Variants in MAST3 observed in about 807,000 individuals in gnomAD.
MAST3 encodes the protein microtubule associated serine/threonine kinase 3.
A neutral mutation model predicts 127.0 loss-of-function variants in MAST3; 43 were observed. That is an observed-to-expected ratio of 0.34 (90% CI 0.27 to 0.44). The LOEUF (loss-of-function observed/expected upper bound fraction) is 0.44. MAST3 is among the 20% of genes least tolerant of loss of function. The probability of loss-of-function intolerance (pLI) is 1.00; values close to 1 mark genes in which losing one functional copy is unlikely to be tolerated. For missense variants in MAST3, 1,390 were observed against 1,919.1 expected (o/e 0.72, Z 5.15); for synonymous variants, 785 against 809.2 (o/e 0.97, Z 0.51).
intron 27 of MAST3, among the ~76,000 whole-genome samples, chr19:18,148,889 C>T (rs1455791559): frequency 4.2e-5 from 5 of 117,692 alleles, no homozygotes; most frequent in African/African-American, 1.7e-4. Flanking sequence ...GGTGACAGAG[C>T]GAGACTCTAT....
chr19:18,100,619 G>C (rs1414719551), intron 1 of MAST3, among the ~76,000 whole-genome samples: 2 of 152,198 alleles, frequency 1.3e-5, no homozygotes. Flanking sequence ...CAGCCCGAGT[G>C]GTCAGTGCTA....
Position 18,097,822 on chromosome 19 carries a change from C to T in MAST3, c.30C>T (p.Arg10=). 1.6e-6 allele frequency: 2 copies of T among 1,226,998 alleles called. No individual in the cohort carries two copies. Among genetic ancestry groups the T allele is most frequent in the African/African-American group, 1.6e-5 (1 of 63,578 alleles). 76.0% of individuals were successfully genotyped at this position (1,226,998 alleles called of 1,614,324 possible). Residue 10 remains arginine, a synonymous_variant, in exon 1 of 28, where the codon CGC becomes CGT. Coordinates refer to ENST00000687212, the MANE Select transcript of MAST3 (RefSeq NM_001393504.1). ...ACGAGTCGAGCCTCCTGCGGCGCCG[C>T]GGGCTCCAGGTGAGGCCCCTGCGCG... MDESSLLRR[R]GLQKELSLPR...
At position 18,145,821 on chromosome 19, in the gene MAST3, G is replaced by C; in HGVS notation, c.3118G>C (p.Val1040Leu). The C allele has an allele frequency of 6.3e-7, 1 of 1,598,448 alleles. No individual in the cohort carries two copies. The stretch of plus-strand genomic sequence containing the variant: ...CATCACCCACATCAACGGGGAGTCA[G>C]TGCTGGGGCTGGTGCACATGGACGT... ...DLITHINGES[V>L]LGLVHMDVVE... Residue 1040 changes from valine (V) to leucine (L), a missense_variant, in exon 25 of 28, where the codon GTG (valine) becomes CTG (leucine). Transcript: ENST00000687212. The surrounding 1 kb of genome is among the most constrained non-coding windows in gnomAD (Gnocchi z 5.9).
intron 11 of MAST3, among the ~76,000 whole-genome samples, chr19:18,126,228 A>G (rs936222869): frequency 9.0e-6 from 1 of 110,544 alleles, no homozygotes; most frequent in Non-Finnish European, 2.1e-5. Flanking sequence ...TCTCAAAAAG[A>G]GAAAAAAAAA....
intron 3 of MAST3, among the ~76,000 whole-genome samples, chr19:18,111,678 G>A (rs966697780): frequency 6.6e-6 from 1 of 151,924 alleles, no homozygotes; most frequent in Admixed American, 6.6e-5. Context: ...GGGACTATAG[G>A]CACCTACCAC....
rs1432809695 is a variant in MAST3, at chr19:18,150,579, AAAC to A, written c.*856_*858del. 2 of 152,198 alleles carry A rather than the reference AAAC, an allele frequency of 1.3e-5. No homozygotes were observed. The highest frequency in any genetic ancestry group is 2.9e-5 in the Non-Finnish European group (2 of 68,020). The allele number at this position is 152,198 out of a possible 1,614,324, so 9.4% of individuals were successfully genotyped here. On this transcript the variant is annotated 3_prime_UTR_variant, in exon 28 of 28. Coordinates refer to ENST00000687212, the MANE Select transcript of MAST3 (RefSeq NM_001393504.1). ...TTCGGCTACAACCTGGAGTGTCCGT[AAAC>A]AATTCCTCTCACCCACAAAACAATG...
chr19:18,130,889 C>G (rs2041203721), intron 14 of MAST3, among the ~76,000 whole-genome samples, 187 bp downstream of exon 14: 1 of 152,122 alleles, frequency 6.6e-6, no homozygotes, highest in African/African-American at 2.4e-5. Flanking sequence ...GCTGGAGGAG[C>G]CCAGACAGGA....
At position 18,145,738 on chromosome 19, in the gene MAST3, C is replaced by T. The variant is rs73925428; in HGVS notation, c.3040-5C>T. The T allele has an allele frequency of 3.2e-3, 5,139 of 1,586,182 alleles. 95 individuals carry two copies. In the African/African-American group the frequency reaches 0.051, roughly 16 times the overall value. On this transcript the variant is annotated splice_polypyrimidine_tract_variant and splice_region_variant and intron_variant, in intron 24 of 27. Transcript: ENST00000687212. This position sits in a 1 kb window ranked among gnomAD's most constrained non-coding sequence, Gnocchi z 5.9. ...ATTGACCCCACCGTTCTCGTCTGCC[C>T]CCAGAGTGTGGAGGACGGAAGCCCC...
chr19:18,133,381 T>G (rs930492028), intron 15 of MAST3, among the ~76,000 whole-genome samples: 15 of 152,024 alleles, frequency 9.9e-5, no homozygotes, highest in African/African-American at 3.6e-4. Flanking sequence ...TTATCTTTAT[T>G]TATTTATTTA....
chr19:18,120,257 AAGG>A (rs1465954343), intron 3 of MAST3, among the ~76,000 whole-genome samples: 1 of 151,816 alleles, frequency 6.6e-6, no homozygotes, highest in East Asian at 1.9e-4. Flanking sequence ...TCTTGAGAAG[AAGG>A]AGGGTTGTCA....
At position 18,144,931 on chromosome 19, in the gene MAST3, TGTG is replaced by T. The variant is rs1006104027; in HGVS notation, c.2813-67_2813-65del. On this transcript the variant is annotated intron_variant, in intron 23 of 27. Coordinates refer to ENST00000687212, the MANE Select transcript of MAST3 (RefSeq NM_001393504.1). This position sits in a 1 kb window ranked among gnomAD's most constrained non-coding sequence, Gnocchi z 4.0. ...ACAGCAAAGTGGCCAGGGTGGTCGT[TGTG>T]GTGGGAAAGAGGGGGCCCCAGGGGA... 5 of 923,754 alleles carry T rather than the reference TGTG, an allele frequency of 5.4e-6. No individual in the cohort carries two copies. Among genetic ancestry groups the T allele is most frequent in the Middle Eastern group, 2.8e-4 (1 of 3,580 alleles). The allele number at this position is 923,754 out of a possible 1,614,324, so 57.2% of individuals were successfully genotyped here.
Position 18,146,998 on chromosome 19 carries a change from C to T in MAST3, c.3280C>T (p.Arg1094Trp), listed in dbSNP as rs766465489. 24 of 1,571,286 alleles carry T rather than the reference C, an allele frequency of 1.5e-5. No individual in the cohort carries two copies. Among genetic ancestry groups the T allele is most frequent in the Middle Eastern group, 1.9e-4 (1 of 5,232 alleles). ...GGCACGCAGGAGCAAGAGGAGCCGT[C>T]GGCGGGAGACCCAGGATCGGTGCGC... is the stretch of plus-strand genomic sequence containing the variant. ...RMARRSKRSRRRETQDRCAAV... is the reference protein window; with the variant it reads ...RMARRSKRSRWRETQDRCAAV... The change falls in exon 26 of 28, where the codon CGG becomes TGG. Residue 1094 changes from arginine (R) to tryptophan (W), a missense_variant. By Grantham distance (101) the Arg-to-Trp change is moderately radical (BLOSUM62 -3). Around this residue, in one of 5 missense-constraint regions of MAST3, gnomAD observed 816 missense variants for 934.1 expected, o/e 0.87. Transcript: ENST00000687212.
Position 18,128,960 on chromosome 19 carries a change from C to A in MAST3, c.1223+9C>A. On this transcript the variant is annotated intron_variant, in intron 13 of 27. Coordinates refer to ENST00000687212, the MANE Select transcript of MAST3 (RefSeq NM_001393504.1). ...AGCAACGGAGCCTATGGGTGAGTCC[C>A]TGAGTCCTGCATAGACCCATTTCAC... The A allele has an allele frequency of 1.9e-6, 3 of 1,613,016 alleles. No individual in the cohort carries two copies. Among genetic ancestry groups the A allele is most frequent in the Non-Finnish European group, 2.5e-6 (3 of 1,179,132 alleles).
At chr19:18,114,876 TGTGGTGCTGGGAGCGGCACAGATATATG>T (rs1347774868) in intron 3 of MAST3, among the ~76,000 whole-genome samples, 1 of 151,824 alleles carries the variant, frequency 6.6e-6, no homozygotes, top group Non-Finnish European at 1.5e-5. Flanking sequence ...AGCCATAGAG[TGTGGTGCTGGGAGCGGCACAGATATATG>T]GGCAGGTGGG....
Position 18,110,235 on chromosome 19 carries a change from G to T in MAST3, c.72-417G>T. The T allele has an allele frequency of 1.0e-6, 1 of 985,514 alleles. No homozygotes were observed. The highest frequency in any genetic ancestry group is 1.2e-6 in the Non-Finnish European group (1 of 830,000). The allele number at this position is 985,514 out of a possible 1,614,324, so 61.0% of individuals were successfully genotyped here. The stretch of plus-strand genomic sequence containing the variant: ...CCTGCGTCCGTGTGTCCGTCCGTCG[G>T]TCCGCTCGCGCCACGATCAGGGCTT... On this transcript the variant is annotated intron_variant, in intron 2 of 27. Transcript: ENST00000687212. This position sits in a 1 kb window ranked among gnomAD's most constrained non-coding sequence, Gnocchi z 4.3.
In MAST3 at chr19:18,149,879, G is replaced by A. The variant is rs1232945022; in HGVS notation, c.*153G>A. 20 of 1,072,588 alleles carry A rather than the reference G, an allele frequency of 1.9e-5. No homozygotes were observed. Among genetic ancestry groups the A allele is most frequent in the Non-Finnish European group, 2.5e-5 (20 of 798,814 alleles). 66.4% of individuals were successfully genotyped at this position (1,072,588 alleles called of 1,614,324 possible). ...GTCCTTGCTGGAAGGTGGAGACATCGCTTGTGTTCTGGTGTCAATCGGGGC... is the reference window on the plus strand; with the variant it reads ...GTCCTTGCTGGAAGGTGGAGACATCACTTGTGTTCTGGTGTCAATCGGGGC... On this transcript the variant is annotated 3_prime_UTR_variant, in exon 28 of 28. Transcript: ENST00000687212. The surrounding 1 kb of genome is among the most constrained non-coding windows in gnomAD (Gnocchi z 5.9).
chr19:18,149,783 T>C lies in MAST3; in HGVS notation c.*57T>C. 1 of 1,599,194 alleles carries C rather than the reference T, an allele frequency of 6.3e-7. No homozygotes were observed. On this transcript the variant is annotated 3_prime_UTR_variant, in exon 28 of 28. Coordinates refer to ENST00000687212, the MANE Select transcript of MAST3 (RefSeq NM_001393504.1). The surrounding 1 kb of genome is among the most constrained non-coding windows in gnomAD (Gnocchi z 5.9). ...TTACGCGTTTTCTTGTGCAATGTTT[T>C]TTCCGTAAAGTCATGCCTGGATGGG...
chr19:18,144,589 C>T lies in MAST3; in HGVS notation c.2708C>T (p.Pro903Leu). The T allele has an allele frequency of 1.2e-6, 2 of 1,611,294 alleles. No individual in the cohort carries two copies. Among genetic ancestry groups the T allele is most frequent in the African/African-American group, 2.7e-5 (2 of 75,046 alleles). Residue 903 changes from proline to leucine, a missense_variant, in exon 23 of 28, where the codon CCT becomes CTT. Pro to Leu is a moderately conservative substitution (Grantham distance 98, BLOSUM62 -3). Transcript: ENST00000687212. This position sits in a 1 kb window ranked among gnomAD's most constrained non-coding sequence, Gnocchi z 4.0. Reference sequence around the variant, plus strand: ...CTTGGGGGCCCAAGAGACCCAGCCCCTGAGAAGTCCAGAGCCTCCTCCAGC... The same window carrying T: ...CTTGGGGGCCCAAGAGACCCAGCCCTTGAGAAGTCCAGAGCCTCCTCCAGC... ...RRLGGPRDPA[P>L]EKSRASSSGG...
Position 18,139,004 on chromosome 19 carries a change from C to G in MAST3, c.2096-11C>G. 6.4e-7 allele frequency: 1 copy of G among 1,562,036 alleles called. No individual in the cohort carries two copies. Among genetic ancestry groups the G allele is most frequent in the Non-Finnish European group, 8.7e-7 (1 of 1,147,924 alleles). Reference sequence around the variant, plus strand: ...CATCAGGCGTGCTGCATGTGCCTCTCCCTCCCACAGCACGTTCGGAACGTT... The same window carrying G: ...CATCAGGCGTGCTGCATGTGCCTCTGCCTCCCACAGCACGTTCGGAACGTT... On this transcript the variant is annotated splice_polypyrimidine_tract_variant and intron_variant, in intron 19 of 27. Coordinates refer to ENST00000687212, the MANE Select transcript of MAST3 (RefSeq NM_001393504.1).
Sources: gnomAD v4.1 joint callset for allele counts (sites outside exome capture counted in the v4.1 genomes callset) on GRCh38, gnomAD v4.1.1 for gene constraint, gnomAD v4.1.1 regional missense constraint, Gnocchi (gnomAD v3.1) non-coding constraint, MANE v1.5 for transcripts, NCBI Gene and HGNC (gene_info 2026-07-23, HGNC 2026-07-21) for gene names.